CFAP299: variants seen among roughly 807,000 people sequenced by gnomAD.
CFAP299 encodes the protein cilia- and flagella-associated protein 299.
CFAP299 carries 21 observed loss-of-function variants against 27.0 expected under a neutral mutation model. The ratio of observed to expected loss-of-function variants is 0.78; its 90% CI spans 0.55 to 1.12. The LOEUF is 1.12. Ranked by LOEUF, CFAP299 falls within the 50% of genes most tolerant of loss-of-function variation. The pLI is 0.00. For synonymous variants in CFAP299, 104 were observed against 98.1 expected (o/e 1.06, Z -0.36); for missense variants, 310 against 276.6 (o/e 1.12, Z -0.86).
At chr4:80,570,845 T>A (rs920599717) in intron 2 of CFAP299, among the ~76,000 whole-genome samples, 2 of 152,112 alleles carry the variant, frequency 1.3e-5, no homozygotes, top group Non-Finnish European at 2.9e-5. Flanking sequence ...AAATAAATGG[T>A]TGTATATTCA....
At chr4:80,659,710 T>C (rs1180599041) in intron 3 of CFAP299, among the ~76,000 whole-genome samples, 1 of 152,054 alleles carries the variant, frequency 6.6e-6, no homozygotes, top group African/African-American at 2.4e-5. Context: ...ATATAACTAC[T>C]CTGAAAAATA....
At chr4:80,531,849 A>G (rs12647313) in intron 2 of CFAP299, among the ~76,000 whole-genome samples, 34,758 of 147,088 alleles carry the variant, frequency 0.24, 5,468 homozygotes, top group African/African-American at 0.44. Flanking sequence ...TGTCCCCTGG[A>G]TTCAAGCAAT....
intron 2 of CFAP299, among the ~76,000 whole-genome samples, chr4:80,582,170 A>C (rs755119971): frequency 1.3e-4 from 20 of 151,954 alleles, no homozygotes; most frequent in Non-Finnish European, 2.5e-4. Context: ...AAGTTTTAAC[A>C]TTAAGTTCAA....
At chr4:80,631,220 AC>A (rs1343593039) in intron 3 of CFAP299, among the ~76,000 whole-genome samples, 3 of 152,058 alleles carry the variant, frequency 2.0e-5, no homozygotes, top group East Asian at 3.8e-4. Context: ...TAAATAAGTA[AC>A]CTTTATCATT....
At chr4:80,625,660 G>A (rs902931596) in intron 3 of CFAP299, among the ~76,000 whole-genome samples, 1 of 151,926 alleles carries the variant, frequency 6.6e-6, no homozygotes, top group Admixed American at 6.6e-5. Flanking sequence ...CACTTGTAAG[G>A]ACACACATAG....
intron 2 of CFAP299, among the ~76,000 whole-genome samples, chr4:80,579,243 CTACAAGAAAAAAAG>C (rs1309082931): frequency 6.6e-6 from 1 of 152,102 alleles, no homozygotes; most frequent in East Asian, 1.9e-4. Context: ...TGCATTCTAG[CTACAAGAAAAAAAG>C]TACCCTTCCC....
chr4:80,578,624 T>C (rs1446829158), intron 2 of CFAP299, among the ~76,000 whole-genome samples: 1 of 152,146 alleles, frequency 6.6e-6, no homozygotes, highest in African/African-American at 2.4e-5. Context: ...ATATTAATGA[T>C]GTTTGCTGGT....
chr4:80,365,897 CTT>C lies in CFAP299; in HGVS notation c.242+3015_242+3016del, dbSNP rs532570393. On this transcript the variant is annotated intron_variant, in intron 2 of 5. Transcript: ENST00000358105. ...AGGTATTTCCTCTATGCAATAGTCTCTTTAACTGGTCAGAGCTGGAAGTCATC... is the reference window on the plus strand; with the variant it reads ...AGGTATTTCCTCTATGCAATAGTCTCTAACTGGTCAGAGCTGGAAGTCATC... Among the ~76,000 whole-genome samples, 264 of 152,314 alleles carry C rather than the reference CTT, an allele frequency of 1.7e-3. 1 individual carries two copies. Among genetic ancestry groups the C allele is most frequent in the African/African-American group, 5.8e-3 (242 of 41,560 alleles).
intron 3 of CFAP299, among the ~76,000 whole-genome samples, chr4:80,766,804 G>A (rs62302210): frequency 6.0e-4 from 91 of 152,124 alleles, no homozygotes; most frequent in African/African-American, 1.8e-3. Flanking sequence ...ATCAAATTTG[G>A]CCTTGCAAAT....
intron 3 of CFAP299, among the ~76,000 whole-genome samples, chr4:80,591,374 C>T (rs894652389): frequency 3.3e-5 from 5 of 151,886 alleles, no homozygotes; most frequent in Admixed American, 2.6e-4. Context: ...CCGCCCGCCT[C>T]GGCCTAGGAA....
intron 4 of CFAP299, among the ~76,000 whole-genome samples, chr4:80,938,582 C>T (rs6535223): frequency 0.045 from 6,801 of 152,260 alleles, 547 homozygotes; most frequent in African/African-American, 0.15. Flanking sequence ...TAGAGACTCT[C>T]AGCTCTGGAG....
intron 2 of CFAP299, among the ~76,000 whole-genome samples, chr4:80,377,577 C>T (rs2110015764): frequency 6.6e-6 from 1 of 151,574 alleles, no homozygotes; most frequent in South Asian, 2.1e-4. Context: ...AATTCTGGTT[C>T]CCTTGCTTTT....
intron 4 of CFAP299, among the ~76,000 whole-genome samples, chr4:80,880,111 G>A (rs1477013084): frequency 1.3e-5 from 2 of 151,810 alleles, no homozygotes; most frequent in African/African-American, 4.8e-5. Context: ...AATGAGGAAA[G>A]AAAGGAGAAA....
chr4:80,960,426 C>G (rs1738288570), intron 5 of CFAP299, among the ~76,000 whole-genome samples: 1 of 151,728 alleles, frequency 6.6e-6, no homozygotes, highest in Admixed American at 6.6e-5. Context: ...TTTTAAAGTT[C>G]TCAATTTCAA....
chr4:80,493,294 T>C (rs374866880), intron 2 of CFAP299, among the ~76,000 whole-genome samples: 1 of 152,218 alleles, frequency 6.6e-6, no homozygotes, highest in Admixed American at 6.5e-5. Context: ...CACTCACCGA[T>C]GGTGGGTGCA....
At chr4:80,360,619 T>A (rs1723494108) in intron 1 of CFAP299, among the ~76,000 whole-genome samples, 1 of 152,220 alleles carries the variant, frequency 6.6e-6, no homozygotes, top group Non-Finnish European at 1.5e-5. Context: ...ATAGATAAAA[T>A]GAACTTAGTA....
chr4:80,786,210 A>G (rs771763197), intron 3 of CFAP299, among the ~76,000 whole-genome samples: 1 of 152,124 alleles, frequency 6.6e-6, no homozygotes, highest in Non-Finnish European at 1.5e-5. Context: ...CTAGTATTCC[A>G]GGATATTTTC....
At chr4:80,601,084 T>C (rs1737322575) in intron 3 of CFAP299, among the ~76,000 whole-genome samples, 1 of 152,114 alleles carries the variant, frequency 6.6e-6, no homozygotes, top group African/African-American at 2.4e-5. Context: ...CCTTCCCAGA[T>C]GGTTAGAGAG....
At chr4:80,610,642 A>AG (rs1737919741) in intron 3 of CFAP299, among the ~76,000 whole-genome samples, 1 of 152,122 alleles carries the variant, frequency 6.6e-6, no homozygotes, top group South Asian at 2.1e-4. Flanking sequence ...TTTTAAAAAA[A>AG]GTTTTCATCA....
Sources: allele counts gnomAD v4.1 joint callset (sites outside exome capture counted in the v4.1 genomes callset), GRCh38; gene constraint gnomAD v4.1.1; transcripts MANE v1.5; gene names NCBI Gene and HGNC (gene_info 2026-07-23, HGNC 2026-07-21).